CFAP299: variants seen among roughly 807,000 people sequenced by gnomAD.
CFAP299 encodes the protein cilia- and flagella-associated protein 299.
A neutral mutation model predicts 27.0 loss-of-function variants in CFAP299; 21 were observed. The observed-to-expected ratio is 0.78, with a 90% confidence interval of 0.55 to 1.12. The LOEUF (loss-of-function observed/expected upper bound fraction) is 1.12. CFAP299 is among the 50% of genes most tolerant of loss of function. The pLI is 0.00. For missense variants in CFAP299, 310 were observed against 276.6 expected, an observed-to-expected ratio of 1.12 and a Z score of -0.86; for synonymous variants, 104 against 98.1, an observed-to-expected ratio of 1.06 and a Z score of -0.36.
In CFAP299 at chr4:80,856,349, G is replaced by A. The variant is rs973003205; in HGVS notation, c.334-13644G>A. 2.7e-5 allele frequency among the ~76,000 whole-genome samples: 4 copies of A among 149,032 alleles called. No individual in the cohort carries two copies. The East Asian group carries it at 5.9e-4, about 22-fold the overall frequency. ...TTGCGAAAATTTTCTCCCATTTTGTGGGTTGCCTGTTCACTCTGATGGTAG... is the reference window on the plus strand; with the variant it reads ...TTGCGAAAATTTTCTCCCATTTTGTAGGTTGCCTGTTCACTCTGATGGTAG... On this transcript the variant is annotated intron_variant, in intron 3 of 5. Transcript: ENST00000358105.
intron 4 of CFAP299, among the ~76,000 whole-genome samples, chr4:80,910,430 T>C (rs945333111): frequency 2.6e-5 from 4 of 152,100 alleles, no homozygotes; most frequent in African/African-American, 9.7e-5. Context: ...CCTAAATGTC[T>C]ATCAACCACA....
chr4:80,576,649 T>C (rs1408776476), intron 2 of CFAP299, among the ~76,000 whole-genome samples: 1 of 152,162 alleles, frequency 6.6e-6, no homozygotes, highest in Admixed American at 6.5e-5. Flanking sequence ...TTTGTTTGTT[T>C]TTTAAGAAGA....
rs565584561 is a variant in CFAP299, at chr4:80,745,589, A to G, written c.334-124404A>G. On this transcript the variant is annotated intron_variant, in intron 3 of 5. Transcript: ENST00000358105. ...GTGTAGATTTACAGAAAATGTGTGAAGATAGCACAGTTTCCATATACCACA... is the reference window on the plus strand; with the variant it reads ...GTGTAGATTTACAGAAAATGTGTGAGGATAGCACAGTTTCCATATACCACA... 6.6e-5 allele frequency among the ~76,000 whole-genome samples: 10 copies of G among 151,852 alleles called. No individual in the cohort carries two copies. The East Asian group carries it at 1.9e-3, about 29-fold the overall frequency.
chr4:80,804,852 T>C (rs1414316513), intron 3 of CFAP299, among the ~76,000 whole-genome samples: 1 of 152,104 alleles, frequency 6.6e-6, no homozygotes, highest in African/African-American at 2.4e-5. Flanking sequence ...GACTGGAGAG[T>C]TTAATCAATT....
intron 3 of CFAP299, among the ~76,000 whole-genome samples, chr4:80,728,460 AT>A (rs1277412898): frequency 1.3e-5 from 2 of 152,134 alleles, no homozygotes; most frequent in South Asian, 2.1e-4. Flanking sequence ...TTCTTTTTCC[AT>A]TTTTTTGACT....
rs913573752 is a variant in CFAP299, at chr4:80,846,099, A to G, written c.334-23894A>G. On this transcript the variant is annotated intron_variant, in intron 3 of 5. Coordinates refer to ENST00000358105, the MANE Select transcript of CFAP299 (RefSeq NM_152770.3). ...ATAAATGATAGCATCCTTAATCACAAGCAGCTCAAGCTCTAATAGGGAGAC... is the reference window on the plus strand; with the variant it reads ...ATAAATGATAGCATCCTTAATCACAGGCAGCTCAAGCTCTAATAGGGAGAC... Among the ~76,000 whole-genome samples the G allele has an allele frequency of 1.6e-4, 25 of 152,240 alleles. 1 individual carries two copies. The highest frequency in any genetic ancestry group is 5.8e-4 in the African/African-American group (24 of 41,548).
rs181342333 is a variant in CFAP299, at chr4:80,788,164, A to G, written c.334-81829A>G. Among the ~76,000 whole-genome samples, 206 of 152,174 alleles carry G rather than the reference A, an allele frequency of 1.4e-3. 1 individual carries two copies. The highest frequency in any genetic ancestry group is 2.5e-3 in the Admixed American group (38 of 15,232). On this transcript the variant is annotated intron_variant, in intron 3 of 5. Coordinates refer to ENST00000358105, the MANE Select transcript of CFAP299 (RefSeq NM_152770.3). ...TTTTTATTACATTTTAATTAAATGT[A>G]GAAAATAGGACTATATAGACTTTCC... is the stretch of plus-strand genomic sequence containing the variant.
chr4:80,955,021 A>C (rs1442571769), intron 5 of CFAP299, among the ~76,000 whole-genome samples: 8 of 127,730 alleles, frequency 6.3e-5, no homozygotes, highest in Admixed American at 2.3e-4. Context: ...AAAAAAAAAA[A>C]AAAAAAAAAA....
intron 1 of CFAP299, among the ~76,000 whole-genome samples, chr4:80,350,443 C>T (rs1184094315): frequency 6.6e-6 from 1 of 152,066 alleles, no homozygotes; most frequent in Non-Finnish European, 1.5e-5. Flanking sequence ...GGTATATACC[C>T]AAAGGATTAT....
intron 3 of CFAP299, among the ~76,000 whole-genome samples, chr4:80,661,305 G>A: frequency 7.1e-6 from 1 of 140,546 alleles, no homozygotes; most frequent in East Asian, 2.1e-4. Context: ...TAGCCTGGGT[G>A]ACAGAGCACA....
intron 3 of CFAP299, among the ~76,000 whole-genome samples, chr4:80,787,235 AAT>A (rs534558967): frequency 4.4e-4 from 65 of 147,782 alleles, no homozygotes; most frequent in Non-Finnish European, 4.8e-4. Context: ...TATAAAACAT[AAT>A]ATATATATAT....
At chr4:80,684,266 C>CG (rs1266279975) in intron 3 of CFAP299, among the ~76,000 whole-genome samples, 67 of 28,546 alleles carry the variant, frequency 2.3e-3, no homozygotes, top group African/African-American at 0.01. Context: ...AAGATGACTT[C>CG]TTTTTTTTGG....
intron 3 of CFAP299, among the ~76,000 whole-genome samples, chr4:80,689,884 G>T (rs1225620596): frequency 3.3e-5 from 5 of 151,758 alleles, no homozygotes; most frequent in Non-Finnish European, 5.9e-5. Context: ...AAAGGCAGGG[G>T]TTGCAATCCT....
At chr4:80,667,395 A>G (rs1741195193) in intron 3 of CFAP299, among the ~76,000 whole-genome samples, 1 of 152,122 alleles carries the variant, frequency 6.6e-6, no homozygotes, top group Non-Finnish European at 1.5e-5. Context: ...ATTATTATAA[A>G]CTATAGTCAC....
intron 2 of CFAP299, among the ~76,000 whole-genome samples, chr4:80,428,289 C>T (rs917537240): frequency 1.3e-5 from 2 of 152,132 alleles, no homozygotes; most frequent in African/African-American, 2.4e-5. Context: ...ATTCATTCTG[C>T]TACTATCCCT....
chr4:80,786,717 C>G (rs905917615), intron 3 of CFAP299, among the ~76,000 whole-genome samples: 2 of 152,024 alleles, frequency 1.3e-5, no homozygotes, highest in Non-Finnish European at 2.9e-5. Context: ...TTTTGGGATT[C>G]TTAAAATGAG....
intron 3 of CFAP299, among the ~76,000 whole-genome samples, chr4:80,630,426 C>T (rs1739147174): frequency 6.6e-6 from 1 of 151,966 alleles, no homozygotes; most frequent in Admixed American, 6.6e-5. Flanking sequence ...AATTTGTTCT[C>T]TACTAAACAA....
At chr4:80,755,986 A>T (rs1355613481) in intron 3 of CFAP299, among the ~76,000 whole-genome samples, 1 of 152,102 alleles carries the variant, frequency 6.6e-6, no homozygotes, top group Non-Finnish European at 1.5e-5. Flanking sequence ...TTGGACATGA[A>T]GTGAATAGTG....
At chr4:80,785,505 T>A in intron 3 of CFAP299, among the ~76,000 whole-genome samples, 1 of 152,214 alleles carries the variant, frequency 6.6e-6, no homozygotes, top group East Asian at 1.9e-4. Flanking sequence ...GGCAATTTTC[T>A]GCTGGATGCT....
Sources: gnomAD v4.1 joint callset for allele counts (sites outside exome capture counted in the v4.1 genomes callset) on GRCh38, gnomAD v4.1.1 for gene constraint, MANE v1.5 for transcripts, NCBI Gene and HGNC (gene_info 2026-07-23, HGNC 2026-07-21) for gene names.